CD33: variants seen among roughly 807,000 people sequenced by gnomAD.
The protein encoded by CD33 is CD33 molecule, also known as myeloid cell surface antigen CD33.
In CD33, 25 loss-of-function variants were observed where a neutral mutation model predicts 31.4. The ratio of observed to expected loss-of-function variants is 0.80; its 90% CI spans 0.58 to 1.11. CD33 has a LOEUF of 1.11. CD33 is among the 50% of genes most tolerant of loss of function. The pLI is 0.00. For synonymous variants in CD33, 176 were observed against 180.6 expected (o/e 0.97, Z 0.20); for missense variants, 407 against 448.1 (o/e 0.91, Z 0.83).
chr19:51,232,122 T>A (rs970917283), intron 4 of CD33, among the ~76,000 whole-genome samples: 1 of 152,218 alleles, frequency 6.6e-6, no homozygotes, highest in Non-Finnish European at 1.5e-5. Context: ...TAGTTTTTGC[T>A]TATCTATGAA....
At chr19:51,227,913 G>C (rs2123214427) in intron 4 of CD33, among the ~76,000 whole-genome samples, 1 of 152,172 alleles carries the variant, frequency 6.6e-6, no homozygotes, top group South Asian at 2.1e-4. Flanking sequence ...AGAGGTGTGA[G>C]TCTAATGTCA....
At position 51,225,294 on chromosome 19, in the gene CD33, C is replaced by A. The variant is rs1427538478; in HGVS notation, c.114C>A (p.Leu38=). ...SVTVQEGLCV[L]VPCTFFHPIP... ...CGGTACAGGAGGGTTTGTGCGTCCT[C>A]GTGCCCTGCACTTTCTTCCATCCCA... The change falls in exon 2 of 7, where the codon CTC becomes CTA. Residue 38 remains leucine, a synonymous_variant. Transcript: ENST00000262262. 2.5e-6 allele frequency: 4 copies of A among 1,614,148 alleles called. No individual in the cohort carries two copies. Among genetic ancestry groups the A allele is most frequent in the African/African-American group, 2.7e-5 (2 of 75,040 alleles).
chr19:51,219,711 T>C, the CD33 span, among the ~76,000 whole-genome samples: 1 of 152,274 alleles, frequency 6.6e-6, no homozygotes, highest in East Asian at 1.9e-4. Flanking sequence ...TAATGTCTAG[T>C]TTGTTGAGGG....
At position 51,235,243 on chromosome 19, in the gene CD33, A is replaced by G; in HGVS notation, c.832A>G (p.Ile278Val). The G allele has an allele frequency of 1.2e-6, 2 of 1,613,960 alleles. No homozygotes were observed. Among genetic ancestry groups the G allele is most frequent in the South Asian group, 1.1e-5 (1 of 91,084 alleles). The change falls in exon 5 of 7, where the codon ATC (isoleucine) becomes GTC (valine). Residue 278 changes from isoleucine (I) to valine (V), a missense_variant. Ile to Val is a conservative substitution (Grantham distance 29, BLOSUM62 3). Coordinates refer to ENST00000262262, the MANE Select transcript of CD33 (RefSeq NM_001772.4). ...TALLALCLCL[I>V]FFIVKTHRRK... ...CCTGCTCGCTCTTTGTCTCTGCCTC[A>G]TCTTCTTCATGTGAGCATTTTCTCT...
At chr19:51,239,479 C>T in intron 6 of CD33, 39 bp from the exon 7 acceptor site, 1 of 1,487,118 alleles carries the variant, frequency 6.7e-7, no homozygotes, top group Admixed American at 2.3e-5. Context: ...TCCCCCTCCT[C>T]ACTGCCCTGC....
At chr19:51,226,478 C>T (rs1393928194) in intron 4 of CD33, 122 bp downstream of exon 4, 2 of 777,202 alleles carry the variant, frequency 2.6e-6, no homozygotes, top group East Asian at 2.5e-5. Context: ...CACGGGTAGA[C>T]ATCAGGCACC....
chr19:51,214,087 C>A, the CD33 span, among the ~76,000 whole-genome samples: 1 of 146,840 alleles, frequency 6.8e-6, no homozygotes, highest in African/African-American at 2.5e-5. Context: ...CTCAAACTCC[C>A]AACCTCAGGT....
intron 4 of CD33, among the ~76,000 whole-genome samples, chr19:51,231,508 A>G (rs1385813771): frequency 1.3e-5 from 2 of 152,064 alleles, no homozygotes; most frequent in Non-Finnish European, 2.9e-5. Context: ...TATTATTAAT[A>G]GGTTATTTTC....
intron 5 of CD33, 101 bp downstream of exon 5, chr19:51,235,354 G>T (rs1463426703): frequency 2.3e-6 from 3 of 1,284,376 alleles, no homozygotes; most frequent in South Asian, 1.3e-5. Flanking sequence ...AAAGGGCAGG[G>T]GGTGTGATGA....
the CD33 span, chr19:51,212,017 C>T: frequency 1.7e-4 from 168 of 996,464 alleles, 2 homozygotes; most frequent in East Asian, 4.5e-3. Context: ...TGTCGAGTGA[C>T]GTTCCCCGGA....
At chr19:51,228,669 T>G (rs1419346356) in intron 4 of CD33, among the ~76,000 whole-genome samples, 1 of 56,954 alleles carries the variant, frequency 1.8e-5, no homozygotes, top group Non-Finnish European at 3.5e-5. Flanking sequence ...GTCTTTAGGT[T>G]TTTGTTTTGT....
At chr19:51,221,810 C>T (rs761869440), upstream of CD33, among the ~76,000 whole-genome samples, 7 of 152,136 alleles carry the variant, frequency 4.6e-5, no homozygotes, top group Admixed American at 6.5e-5. Flanking sequence ...CAGTGAGTTA[C>T]GAGTCAGCAA....
chr19:51,218,387 T>C, the CD33 span, among the ~76,000 whole-genome samples: 1 of 152,202 alleles, frequency 6.6e-6, no homozygotes, highest in East Asian at 1.9e-4. Context: ...TGTTTTTTAT[T>C]ATTAAGCTGC....
the CD33 span, among the ~76,000 whole-genome samples, chr19:51,218,517 G>GC: frequency 3.3e-5 from 5 of 152,122 alleles, no homozygotes; most frequent in African/African-American, 4.8e-5. Flanking sequence ...CTATGCAGAA[G>GC]CTTTTTAGTT....
chr19:51,235,158 G>A lies in CD33; in HGVS notation c.747G>A (p.Gly249=). The part of the protein sequence containing the change: ...TTGIFPGDGS[G]KQETRAGVVH... ...ACCCCAAATCTTTTTTGTCTGCAGG[G>A]AAACAAGAGACCAGAGCAGGAGTGG... The change falls in exon 5 of 7, where the codon GGG becomes GGA. Residue 249 remains glycine, a splice_region_variant and synonymous_variant. Transcript: ENST00000262262. The A allele has an allele frequency of 1.2e-6, 2 of 1,613,212 alleles. No homozygotes were observed. The highest frequency in any genetic ancestry group is 1.1e-5 in the South Asian group (1 of 91,062).
chr19:51,229,620 C>T (rs1352088065), intron 4 of CD33, among the ~76,000 whole-genome samples: 1 of 151,974 alleles, frequency 6.6e-6, no homozygotes, highest in Non-Finnish European at 1.5e-5. Context: ...GATTCAATCT[C>T]GGTAGATTAT....
chr19:51,211,776 C>G, the CD33 span: 2 of 797,912 alleles, frequency 2.5e-6, no homozygotes, highest in Non-Finnish European at 4.2e-6. Flanking sequence ...ATCCTGCATC[C>G]CCGTTTCCTC....
At chr19:51,231,986 G>T (rs1981459411) in intron 4 of CD33, among the ~76,000 whole-genome samples, 1 of 152,034 alleles carries the variant, frequency 6.6e-6, no homozygotes, top group Admixed American at 6.6e-5. Context: ...TCAAATTAAA[G>T]AGCTCAAGTG....
In CD33 at chr19:51,226,314, C is replaced by A; in HGVS notation, c.703C>A (p.Pro235Thr). The A allele has an allele frequency of 6.2e-7, 1 of 1,613,886 alleles. No individual in the cohort carries two copies. Among genetic ancestry groups the A allele is most frequent in the South Asian group, 1.1e-5 (1 of 91,072 alleles). Reference protein sequence around the residue: ...RTIQLNVTYVPQNPTTGIFPG... With the variant: ...RTIQLNVTYVTQNPTTGIFPG... ...ATCCTCTCTTCCTCTCCTAGATGTT[C>A]CACAGAACCCAACAACTGGTATCTT... Residue 235 changes from proline to threonine, a missense_variant, in exon 4 of 7, where the codon CCA (proline) becomes ACA (threonine). Pro to Thr is a conservative substitution (Grantham distance 38). Transcript: ENST00000262262.
Sources: allele counts gnomAD v4.1 joint callset (sites outside exome capture counted in the v4.1 genomes callset), GRCh38; gene constraint gnomAD v4.1.1; transcripts MANE v1.5; gene names NCBI Gene and HGNC (gene_info 2026-07-23, HGNC 2026-07-21).